Variants in EPB42 observed in about 807,000 individuals in gnomAD.
EPB42 encodes protein 4.2.
EPB42 carries 49 observed loss-of-function variants against 76.9 expected under a neutral mutation model. That is an observed-to-expected ratio of 0.64 (90% CI 0.51 to 0.81). The LOEUF (loss-of-function observed/expected upper bound fraction) is 0.81. Ranked by LOEUF, EPB42 falls within the 30% of genes least tolerant of loss-of-function variation. EPB42 has a pLI of 0.00. For synonymous variants in EPB42, 310 were observed against 338.4 expected (o/e 0.92, Z 0.92); for missense variants, 731 against 867.6 (o/e 0.84, Z 1.98).
At chr15:43,203,365 G>A in intron 10 of EPB42, 90 bp from the exon 11 acceptor site, 7 of 1,525,026 alleles carry the variant, frequency 4.6e-6, no homozygotes, top group Non-Finnish European at 6.3e-6. Context: ...AGGACTCAGG[G>A]CCTCACTGAG....
At chr15:43,209,637 T>G in intron 5 of EPB42, 186 bp from the exon 6 acceptor site, 6 of 638,810 alleles carry the variant, frequency 9.4e-6, no homozygotes, top group Non-Finnish European at 1.3e-5. Context: ...GTCATAGCTC[T>G]AGGGCTGGAG....
intron 3 of EPB42, among the ~76,000 whole-genome samples, chr15:43,212,565 G>A (rs1448840435): frequency 6.6e-6 from 1 of 152,194 alleles, no homozygotes; most frequent in African/African-American, 2.4e-5. Context: ...GCTGACGGAT[G>A]TAAGCAGAGG....
intron 12 of EPB42, among the ~76,000 whole-genome samples, chr15:43,197,947 G>A (rs903787188): frequency 6.6e-6 from 1 of 152,160 alleles, no homozygotes; most frequent in Non-Finnish European, 1.5e-5. Flanking sequence ...CTTATCAGAG[G>A]TTTCTGCTTT....
Position 43,197,345 on chromosome 15 carries a change from T to A in EPB42, c.2033A>T (p.Asn678Ile). ...VDCNMFQNLT[N>I]YKSVTVVAPE... ...GGCTACCACGGTGACGCTTTTATAG[T>A]TGGTTAGGTTCTGGAACATGTTGCA... The change falls in exon 13 of 13, where the codon AAC becomes ATC. Residue 678 changes from asparagine (N) to isoleucine (I), a missense_variant. Transcript: ENST00000441366. The A allele has an allele frequency of 6.2e-7, 1 of 1,614,192 alleles. No homozygotes were observed. Among genetic ancestry groups the A allele is most frequent in the Non-Finnish European group, 8.5e-7 (1 of 1,180,036 alleles).
chr15:43,206,491 G>A lies in EPB42; in HGVS notation c.1457C>T (p.Pro486Leu). 6.2e-7 allele frequency: 1 copy of A among 1,614,214 alleles called. No individual in the cohort carries two copies. The highest frequency in any genetic ancestry group is 8.5e-7 in the Non-Finnish European group (1 of 1,180,044). The change falls in exon 10 of 13, where the codon CCC becomes CTC. Residue 486 changes from proline to leucine, a missense_variant. By Grantham distance (98) the Pro-to-Leu change is moderately conservative. Coordinates refer to ENST00000441366, the MANE Select transcript of EPB42 (RefSeq NM_001114134.2). The surrounding 1 kb of genome is among the most constrained non-coding windows in gnomAD (Gnocchi z 4.7). Reference sequence around the variant, plus strand: ...TGAGATCTGGGCATCCCCTCTCAGGGGTAGGGAGCTGGGTGCTTTCAAGAG... The same window carrying A: ...TGAGATCTGGGCATCCCCTCTCAGGAGTAGGGAGCTGGGTGCTTTCAAGAG... The part of the protein sequence containing the change: ...YLLLKAPSSL[P>L]LRGDAQISVT...
chr15:43,212,913 T>G (rs1292762742), intron 3 of EPB42, among the ~76,000 whole-genome samples: 1 of 152,076 alleles, frequency 6.6e-6, no homozygotes. Flanking sequence ...TTCCAAATCA[T>G]CCAGAGGAGC....
intron 3 of EPB42, among the ~76,000 whole-genome samples, chr15:43,214,223 G>A (rs1451740238): frequency 6.6e-6 from 1 of 152,220 alleles, no homozygotes; most frequent in Non-Finnish European, 1.5e-5. Flanking sequence ...GAGTGGGGAG[G>A]AAGAGAAGAT....
chr15:43,211,614 C>A, intron 3 of EPB42, 80 bp from the exon 4 acceptor site: 1 of 988,368 alleles, frequency 1.0e-6, no homozygotes, highest in Non-Finnish European at 1.6e-6. Context: ...TCCTCCCTGC[C>A]GAGATTAGGT....
chr15:43,225,591 A>G (rs919612521), upstream of EPB42, among the ~76,000 whole-genome samples: 3 of 152,242 alleles, frequency 2.0e-5, no homozygotes, highest in African/African-American at 7.2e-5. Context: ...CTGGTGGTAC[A>G]GCAGTAAAGC....
chr15:43,221,941 G>A (rs1379869057), upstream of EPB42, among the ~76,000 whole-genome samples: 1 of 151,560 alleles, frequency 6.6e-6, no homozygotes, highest in Non-Finnish European at 1.5e-5. Flanking sequence ...TCAGGAGTTC[G>A]AGACCAGCCT....
intron 1 of EPB42, among the ~76,000 whole-genome samples, chr15:43,219,719 G>A (rs557398685): frequency 5.4e-4 from 82 of 152,234 alleles, no homozygotes; most frequent in Admixed American, 2.5e-3. Context: ...AGGCCGAGGC[G>A]GAGGATCACG....
rs71111806 is a variant in EPB42, at chr15:43,204,974, C to CCA, written c.1618+1355_1618+1356insTG. ...AAGGCTGCCCCCTCCGCCCCCCCCC[C>CCA]AAAAAAAAGTTCCCAAGATGACTCA... On this transcript the variant is annotated intron_variant, in intron 10 of 12. Transcript: ENST00000441366. 5.0e-3 allele frequency among the ~76,000 whole-genome samples: 733 copies of CCA among 145,234 alleles called. 24 individuals are homozygous for CCA. Among genetic ancestry groups the CCA allele is most frequent in the African/African-American group, 0.018 (702 of 38,128 alleles).
chr15:43,224,343 C>G (rs2042489189), upstream of EPB42, among the ~76,000 whole-genome samples: 1 of 152,160 alleles, frequency 6.6e-6, no homozygotes, highest in Admixed American at 6.5e-5. Flanking sequence ...GGGGTTAGGG[C>G]TTCAACATAT....
At chr15:43,216,138 G>T in intron 2 of EPB42, 130 bp downstream of exon 2, 1 of 1,113,374 alleles carries the variant, frequency 9.0e-7, no homozygotes, top group Non-Finnish European at 1.3e-6. Flanking sequence ...TGCCCTGCCA[G>T]GTGGGCAGGA....
At chr15:43,210,719 G>A (rs1441411360) in intron 4 of EPB42, among the ~76,000 whole-genome samples, 1 of 152,128 alleles carries the variant, frequency 6.6e-6, no homozygotes, top group Non-Finnish European at 1.5e-5. Flanking sequence ...GACCCGTGCT[G>A]TACTGTTTCG....
rs376680136 is a variant in EPB42, at chr15:43,203,198, C to T, written c.1696G>A (p.Ala566Thr). The change falls in exon 11 of 13, where the codon GCC (alanine) becomes ACC (threonine). Residue 566 changes from alanine to threonine, a missense_variant. By Grantham distance (58) the Ala-to-Thr change is moderately conservative (BLOSUM62 0). Coordinates refer to ENST00000441366, the MANE Select transcript of EPB42 (RefSeq NM_001114134.2). Reference protein sequence around the residue: ...PPENTFLRLTAMATHSESNLS... With the variant: ...PPENTFLRLTTMATHSESNLS... Reference sequence around the variant, plus strand: ...TTGGATTCAGAGTGTGTTGCCATGGCGGTGAGTCTAAGGAAGGTGTTCTCG... The same window carrying T: ...TTGGATTCAGAGTGTGTTGCCATGGTGGTGAGTCTAAGGAAGGTGTTCTCG... The T allele has an allele frequency of 2.8e-5, 45 of 1,613,666 alleles. No individual in the cohort carries two copies. The highest frequency in any genetic ancestry group is 1.3e-4 in the African/African-American group (10 of 74,768).
intron 8 of EPB42, 79 bp from the exon 9 acceptor site, chr15:43,207,520 C>T: frequency 1.9e-6 from 3 of 1,597,280 alleles, no homozygotes; most frequent in Admixed American, 1.7e-5. Context: ...ACCTCAGTCC[C>T]CATCCTCTAG....
intron 12 of EPB42, among the ~76,000 whole-genome samples, chr15:43,199,688 G>A (rs1156790009): frequency 1.3e-5 from 2 of 152,142 alleles, no homozygotes; most frequent in Admixed American, 1.3e-4. Context: ...GGGATGGAAT[G>A]ATATGATTTT....
At position 43,206,280 on chromosome 15, in the gene EPB42, CAT is replaced by C. The variant is rs1491168823; in HGVS notation, c.1618+48_1618+49del. 58 of 1,536,512 alleles carry C rather than the reference CAT, an allele frequency of 3.8e-5. No individual in the cohort carries two copies. Among genetic ancestry groups the C allele is most frequent in the South Asian group, 1.2e-4 (10 of 80,348 alleles). Reference sequence around the variant, plus strand: ...GCTGCTGCCTGCCCAAGGCAGGGGCCATGTGTGTGTGTGTGTCGGGGGGTGTC... The same window carrying C: ...GCTGCTGCCTGCCCAAGGCAGGGGCCGTGTGTGTGTGTGTCGGGGGGTGTC... On this transcript the variant is annotated intron_variant, in intron 10 of 12. Coordinates refer to ENST00000441366, the MANE Select transcript of EPB42 (RefSeq NM_001114134.2). The surrounding 1 kb of genome is among the most constrained non-coding windows in gnomAD (Gnocchi z 4.7).
Sources: allele counts gnomAD v4.1 joint callset (sites outside exome capture counted in the v4.1 genomes callset), GRCh38; gene constraint gnomAD v4.1.1; non-coding constraint Gnocchi (gnomAD v3.1); transcripts MANE v1.5; gene names NCBI Gene and HGNC (gene_info 2026-07-23, HGNC 2026-07-21).